Variants in ACBD6 observed in about 807,000 individuals in gnomAD.
The protein encoded by ACBD6 is acyl-CoA-binding domain-containing protein 6.
A neutral mutation model predicts 37.2 loss-of-function variants in ACBD6; 28 were observed. That is an observed-to-expected ratio of 0.75 (90% CI 0.56 to 1.03). The LOEUF (loss-of-function observed/expected upper bound fraction) is 1.03, where lower values mean the gene tolerates loss of function less well. ACBD6 is among the 50% of genes least tolerant of loss of function. The pLI, the probability that ACBD6 is intolerant of heterozygous loss-of-function variation, is 0.00. For missense variants in ACBD6, 340 were observed against 337.4 expected (o/e 1.01, Z -0.06); for synonymous variants, 113 against 126.8 (o/e 0.89, Z 0.73).
chr1:180,273,966 G>A (rs1234099003), exon 11 of ACBD6: 3 of 589,192 alleles, frequency 5.1e-6, no homozygotes, highest in African/African-American at 3.7e-5. Flanking sequence ...CTGGGACCTG[G>A]GAATTTAGTC....
At chr1:180,498,999 A>T (rs1278709239) in intron 1 of ACBD6, among the ~76,000 whole-genome samples, 2 of 152,036 alleles carry the variant, frequency 1.3e-5, no homozygotes, top group African/African-American at 2.4e-5. Context: ...AAGGACCAAA[A>T]AATTGTTCAT....
At chr1:180,276,762 G>C (rs1007120380) in intron 9 of ACBD6, 21 of 151,514 alleles carry the variant, frequency 1.4e-4, no homozygotes, top group African/African-American at 5.1e-4. Context: ...ATTTGGCTTA[G>C]CAACTCATGG....
chr1:180,414,518 T>C (rs1288710276), intron 4 of ACBD6, among the ~76,000 whole-genome samples: 1 of 152,232 alleles, frequency 6.6e-6, no homozygotes, highest in African/African-American at 2.4e-5. Context: ...CATCTAAGTG[T>C]TCTTTAAGCC....
chr1:180,390,547 T>G (rs1451752175), intron 6 of ACBD6, among the ~76,000 whole-genome samples: 1 of 151,914 alleles, frequency 6.6e-6, no homozygotes, highest in African/African-American at 2.4e-5. Flanking sequence ...AAGAAAGTCA[T>G]TGGTAGCTTG....
intron 5 of ACBD6, among the ~76,000 whole-genome samples, chr1:180,405,149 A>G (rs1338451785): frequency 6.6e-6 from 1 of 152,216 alleles, no homozygotes; most frequent in Non-Finnish European, 1.5e-5. Context: ...CAAATCTCAT[A>G]TAACTGCATA....
intron 3 of ACBD6, among the ~76,000 whole-genome samples, chr1:180,473,048 A>C (rs1364083835): frequency 6.6e-6 from 1 of 152,216 alleles, no homozygotes; most frequent in African/African-American, 2.4e-5. Flanking sequence ...GACTATAAAA[A>C]TTTGTATGTA....
In ACBD6 at chr1:180,486,290, C is replaced by T. The variant is rs147092324; in HGVS notation, c.384+5979G>A. Among the ~76,000 whole-genome samples, 11 of 152,298 alleles carry T rather than the reference C, an allele frequency of 7.2e-5. No homozygotes were observed. In the South Asian group the frequency reaches 1.0e-3, roughly 14 times the overall value. On this transcript the variant is annotated intron_variant, in intron 3 of 7. Transcript: ENST00000367595. ...AATCCAGCTAGGACCACCTGCTGGT[C>T]ACAGCAGGGACACAAAAAAATCAAT...
chr1:180,432,205 C>CAAAAAAAA (rs35887874), intron 3 of ACBD6, among the ~76,000 whole-genome samples: 1 of 141,466 alleles, frequency 7.1e-6, no homozygotes. Flanking sequence ...GATTCTGTCT[C>CAAAAAAAA]AAAAAAAAAA....
chr1:180,276,628 T>C (rs1649045094), intron 9 of ACBD6: 1 of 152,244 alleles, frequency 6.6e-6, no homozygotes, highest in African/African-American at 2.4e-5. Context: ...GTCGTCTTTT[T>C]GGAGGATGGC....
At chr1:180,350,338 C>G (rs1192036508) in intron 6 of ACBD6, among the ~76,000 whole-genome samples, 2 of 152,056 alleles carry the variant, frequency 1.3e-5, no homozygotes, top group African/African-American at 4.8e-5. Flanking sequence ...CTGGCCGACT[C>G]CTAATTCTGA....
intron 6 of ACBD6, among the ~76,000 whole-genome samples, chr1:180,342,713 T>C (rs1488990010): frequency 6.6e-6 from 1 of 152,110 alleles, no homozygotes; most frequent in African/African-American, 2.4e-5. Context: ...TATTAAAGCA[T>C]GAGTATAAGC....
At chr1:180,477,322 C>G (rs956789758) in intron 3 of ACBD6, among the ~76,000 whole-genome samples, 2 of 152,246 alleles carry the variant, frequency 1.3e-5, no homozygotes, top group East Asian at 1.9e-4. Flanking sequence ...AAACCACAAA[C>G]AGGGACCACT....
chr1:180,460,570 AG>A (rs1650106705), intron 3 of ACBD6, among the ~76,000 whole-genome samples: 1 of 152,210 alleles, frequency 6.6e-6, no homozygotes, highest in Non-Finnish European at 1.5e-5. Flanking sequence ...TCCCAGAGGA[AG>A]GGGCAGGCTG....
chr1:180,375,103 A>G (rs914934621), intron 6 of ACBD6, among the ~76,000 whole-genome samples: 11 of 152,180 alleles, frequency 7.2e-5, no homozygotes, highest in African/African-American at 2.7e-4. Flanking sequence ...ATAAACTATT[A>G]TGAAACTTCA....
chr1:180,308,966 C>A (rs1011325411), intron 7 of ACBD6, among the ~76,000 whole-genome samples: 1 of 152,054 alleles, frequency 6.6e-6, no homozygotes, highest in African/African-American at 2.4e-5. Flanking sequence ...ACTAATAGAA[C>A]CTTTAAAATA....
chr1:180,344,261 A>G (rs2101884123), intron 6 of ACBD6, among the ~76,000 whole-genome samples: 1 of 152,318 alleles, frequency 6.6e-6, no homozygotes, highest in Middle Eastern at 3.4e-3. Flanking sequence ...AAGCTATGAC[A>G]CAGGTGGCAA....
chr1:180,401,511 C>T (rs1487774967), intron 5 of ACBD6, among the ~76,000 whole-genome samples: 2 of 151,878 alleles, frequency 1.3e-5, no homozygotes, highest in Non-Finnish European at 2.9e-5. Flanking sequence ...TGGCCAGGCG[C>T]GGTGGCTTAC....
chr1:180,497,146 A>G, intron 1 of ACBD6, among the ~76,000 whole-genome samples: 1 of 152,380 alleles, frequency 6.6e-6, no homozygotes, highest in Middle Eastern at 3.4e-3. Context: ...ACTTTAAGAC[A>G]TAAAAATAGC....
At chr1:180,427,517 A>C (rs1298532781) in intron 4 of ACBD6, among the ~76,000 whole-genome samples, 1 of 152,252 alleles carries the variant, frequency 6.6e-6, no homozygotes, top group African/African-American at 2.4e-5. Flanking sequence ...TAATTTGATT[A>C]CATAACTTCA....
Sources: gnomAD v4.1 joint callset for allele counts (sites outside exome capture counted in the v4.1 genomes callset) on GRCh38, gnomAD v4.1.1 for gene constraint, MANE v1.5 for transcripts, NCBI Gene and HGNC (gene_info 2026-07-23, HGNC 2026-07-21) for gene names.